The following SFRP1 variants were observed in gnomAD, a reference collection of about 807,000 sequenced individuals.
The protein encoded by SFRP1 is secreted frizzled-related protein 1.
SFRP1 carries 9 observed loss-of-function variants against 25.9 expected under a neutral mutation model. The ratio of observed to expected loss-of-function variants is 0.35; its 90% CI spans 0.21 to 0.61. SFRP1 has a LOEUF of 0.61. Among genes scored for constraint, SFRP1 ranks in the 20% least tolerant of loss-of-function variants. The probability of loss-of-function intolerance (pLI) is 0.78; values close to 1 mark genes in which losing one functional copy is unlikely to be tolerated. For synonymous variants in SFRP1, 178 were observed against 174.0 expected (o/e 1.02, Z -0.18); for missense variants, 346 against 418.2 (o/e 0.83, Z 1.51).
At position 41,264,444 on chromosome 8, in the gene SFRP1, A is replaced by C. The variant is rs1803409762; in HGVS notation, c.*723T>G. ...AAAGGCAGGCACAGGCTGCCCCTCC[A>C]CATGTCTTGGGGATCAGATCATGCC... On this transcript the variant is annotated 3_prime_UTR_variant, in exon 3 of 3. Coordinates refer to ENST00000220772, the MANE Select transcript of SFRP1 (RefSeq NM_003012.5). The C allele has an allele frequency of 6.6e-6, 1 of 152,062 alleles. No individual in the cohort carries two copies. Among genetic ancestry groups the C allele is most frequent in the South Asian group, 2.1e-4 (1 of 4,820 alleles). 9.4% of individuals were successfully genotyped at this position (152,062 alleles called of 1,614,324 possible).
chr8:41,294,505 C>T (rs1388984568), intron 2 of SFRP1, among the ~76,000 whole-genome samples: 1 of 152,170 alleles, frequency 6.6e-6, no homozygotes, highest in Non-Finnish European at 1.5e-5. Context: ...TTTAGGGAAG[C>T]TGGTTTCTCG....
intron 2 of SFRP1, among the ~76,000 whole-genome samples, chr8:41,301,800 C>A (rs961941803): frequency 6.6e-6 from 1 of 152,208 alleles, no homozygotes; most frequent in Non-Finnish European, 1.5e-5. Flanking sequence ...ACTCAGATTC[C>A]ACAAACCGTG....
In SFRP1 at chr8:41,263,964, G is replaced by A. The variant is rs544373806; in HGVS notation, c.*1203C>T. On this transcript the variant is annotated 3_prime_UTR_variant, in exon 3 of 3. Coordinates refer to ENST00000220772, the MANE Select transcript of SFRP1 (RefSeq NM_003012.5). The stretch of plus-strand genomic sequence containing the variant: ...GTTTCTTTACAGGAAAGAAAAAAAC[G>A]GAAAGCTCTGTGAGTTTTGCTAGGG... 23 of 152,298 alleles carry A rather than the reference G, an allele frequency of 1.5e-4. No individual in the cohort carries two copies. Among genetic ancestry groups the A allele is most frequent in the African/African-American group, 5.1e-4 (21 of 41,566 alleles). 9.4% of individuals were successfully genotyped at this position (152,298 alleles called of 1,614,324 possible).
At position 41,265,120 on chromosome 8, in the gene SFRP1, G is replaced by GGCCCCCCCCCC; in HGVS notation, c.*46_*47insGGGGGGGGGGC. 6.2e-6 allele frequency: 1 copy of GGCCCCCCCCCC among 160,642 alleles called. No homozygotes were observed. The highest frequency in any genetic ancestry group is 1.2e-5 in the Non-Finnish European group (1 of 84,338). 10.0% of individuals were successfully genotyped at this position (160,642 alleles called of 1,614,324 possible). On this transcript the variant is annotated 3_prime_UTR_variant, in exon 3 of 3. Transcript: ENST00000220772. ...GGGTTCCCGGGGCACTGTCCCCCCC[G>GGCCCCCCCCCC]CTCCCACCCCACCCGAGGCTCCCTC...
chr8:41,297,740 G>C (rs937021864), intron 2 of SFRP1, among the ~76,000 whole-genome samples: 3 of 151,906 alleles, frequency 2.0e-5, no homozygotes, highest in East Asian at 3.9e-4. Flanking sequence ...AGTCTGTCTC[G>C]CCCAGAGCCT....
At chr8:41,278,578 G>A (rs941600018) in intron 2 of SFRP1, among the ~76,000 whole-genome samples, 3 of 152,144 alleles carry the variant, frequency 2.0e-5, no homozygotes, top group Non-Finnish European at 2.9e-5. Context: ...CCGCACAATG[G>A]GAACATCCCA....
At chr8:41,297,113 C>T (rs1019449908) in intron 2 of SFRP1, among the ~76,000 whole-genome samples, 1 of 152,194 alleles carries the variant, frequency 6.6e-6, no homozygotes, top group African/African-American at 2.4e-5. Context: ...AGCGCAATCT[C>T]AGCTCACTGC....
chr8:41,285,898 C>G (rs1803694754), intron 2 of SFRP1, among the ~76,000 whole-genome samples: 1 of 152,180 alleles, frequency 6.6e-6, no homozygotes, highest in Non-Finnish European at 1.5e-5. Context: ...AGTGGCCACC[C>G]TTTGGTGTTC....
At chr8:41,304,577 G>C (rs2117521190) in intron 1 of SFRP1, among the ~76,000 whole-genome samples, 1 of 152,290 alleles carries the variant, frequency 6.6e-6, no homozygotes, top group Non-Finnish European at 1.5e-5. Flanking sequence ...CCTGCACTCG[G>C]GGAGTGCAGG....
At chr8:41,288,911 G>A (rs538998946) in intron 2 of SFRP1, among the ~76,000 whole-genome samples, 4 of 152,280 alleles carry the variant, frequency 2.6e-5, no homozygotes, top group South Asian at 4.1e-4. Context: ...CTGCAAATGC[G>A]GGGATCAGCC....
chr8:41,306,733 T>A, intron 1 of SFRP1: 5 of 1,597,936 alleles, frequency 3.1e-6, no homozygotes, highest in Non-Finnish European at 4.2e-6. Flanking sequence ...TGAGCGCTGC[T>A]GGGAGGAGTG....
chr8:41,265,122 T>TCCCCCCCCCCC lies in SFRP1; in HGVS notation c.*44_*45insGGGGGGGGGGG. The TCCCCCCCCCCC allele has an allele frequency of 1.0e-5, 2 of 191,092 alleles. No individual in the cohort carries two copies. The highest frequency in any genetic ancestry group is 2.0e-5 in the Non-Finnish European group (2 of 97,898). 11.8% of individuals were successfully genotyped at this position (191,092 alleles called of 1,614,324 possible). A position where few individuals can be genotyped will look rare whatever the true frequency, so the allele number is the denominator to read the frequency against. ...GTTCCCGGGGCACTGTCCCCCCCGC[T>TCCCCCCCCCCC]CCCACCCCACCCGAGGCTCCCTCCC... On this transcript the variant is annotated 3_prime_UTR_variant, in exon 3 of 3. Coordinates refer to ENST00000220772, the MANE Select transcript of SFRP1 (RefSeq NM_003012.5).
At chr8:41,306,172 G>GA (rs1803993169) in intron 1 of SFRP1, among the ~76,000 whole-genome samples, 1 of 133,514 alleles carries the variant, frequency 7.5e-6, no homozygotes, top group Non-Finnish European at 1.7e-5. Flanking sequence ...CCTTTGCAGG[G>GA]GAAAAATGTC....
In SFRP1 at chr8:41,283,528, A is replaced by G. The variant is rs973198777; in HGVS notation, c.623-18039T>C. Among the ~76,000 whole-genome samples, 22 of 151,960 alleles carry G rather than the reference A, an allele frequency of 1.4e-4. 1 individual carries two copies. The highest frequency in any genetic ancestry group is 1.4e-3 in the Admixed American group (21 of 15,268). On this transcript the variant is annotated intron_variant, in intron 2 of 2. Transcript: ENST00000220772. ...GCGGCTGAACTTGTAAAAATCATTC[A>G]GATCAACGCTATTTTTATAGAAACT... is the stretch of plus-strand genomic sequence containing the variant.
intron 2 of SFRP1, among the ~76,000 whole-genome samples, chr8:41,284,945 T>C (rs1411358716): frequency 6.6e-6 from 1 of 152,190 alleles, no homozygotes; most frequent in Non-Finnish European, 1.5e-5. Context: ...ACACTCACTC[T>C]TCCCTACGCC....
At chr8:41,273,479 C>CAA (rs528467030) in intron 2 of SFRP1, among the ~76,000 whole-genome samples, 1 of 142,282 alleles carries the variant, frequency 7.0e-6, no homozygotes, top group African/African-American at 2.6e-5. Flanking sequence ...GCCTCTGTCT[C>CAA]AAAAAAAAAA....
In SFRP1 at chr8:41,289,731, T is replaced by C. The variant is rs187859735; in HGVS notation, c.622+13730A>G. Among the ~76,000 whole-genome samples the C allele has an allele frequency of 1.6e-3, 251 of 152,360 alleles. 2 individuals carry two copies. The highest frequency in any genetic ancestry group is 2.8e-3 in the Non-Finnish European group (190 of 68,032). On this transcript the variant is annotated intron_variant, in intron 2 of 2. Coordinates refer to ENST00000220772, the MANE Select transcript of SFRP1 (RefSeq NM_003012.5). ...CTGAAACCTAAACAAAAGAGGTCTA[T>C]TTGGCACTCAAAGTAATAAACAAAA...
At chr8:41,294,810 C>G (rs188887166) in intron 2 of SFRP1, among the ~76,000 whole-genome samples, 1 of 152,104 alleles carries the variant, frequency 6.6e-6, no homozygotes. Context: ...GATCCCAACC[C>G]CAAAAGCCCA....
At chr8:41,267,791 A>C (rs1461886457) in intron 2 of SFRP1, among the ~76,000 whole-genome samples, 2 of 152,228 alleles carry the variant, frequency 1.3e-5, no homozygotes, top group Non-Finnish European at 2.9e-5. Context: ...CTAAATGTGC[A>C]CTTTTAATCT....
Sources: gnomAD v4.1 joint callset for allele counts (sites outside exome capture counted in the v4.1 genomes callset) on GRCh38, gnomAD v4.1.1 for gene constraint, MANE v1.5 for transcripts, NCBI Gene and HGNC (gene_info 2026-07-23, HGNC 2026-07-21) for gene names.